CHCHD3: variants seen among roughly 807,000 people sequenced by gnomAD.
The protein encoded by CHCHD3 is MICOS complex subunit MIC19.
In CHCHD3, 20 loss-of-function variants were observed where a neutral mutation model predicts 38.2. That is an observed-to-expected ratio of 0.52 (90% CI 0.37 to 0.76). The LOEUF is 0.76. CHCHD3 is among the 30% of genes least tolerant of loss of function. The pLI is 0.00. For missense variants in CHCHD3, 245 were observed against 279.2 expected, an observed-to-expected ratio of 0.88 and a Z score of 0.87; for synonymous variants, 82 against 100.0, an observed-to-expected ratio of 0.82 and a Z score of 1.07.
At chr7:132,797,029 A>T (rs1806636325) in intron 6 of CHCHD3, among the ~76,000 whole-genome samples, 1 of 152,132 alleles carries the variant, frequency 6.6e-6, no homozygotes, top group African/African-American at 2.4e-5. Context: ...CTGGTCTCTC[A>T]GCTTTGACAC....
intron 1 of CHCHD3, among the ~76,000 whole-genome samples, chr7:133,075,356 G>C (rs1207948766): frequency 6.6e-6 from 1 of 152,116 alleles, no homozygotes; most frequent in Non-Finnish European, 1.5e-5. Flanking sequence ...CCTTTCTCTT[G>C]TTCTTACAAT....
chr7:132,799,007 C>CTGTGTGTGTGTGTGTGTG (rs58508838), intron 6 of CHCHD3, among the ~76,000 whole-genome samples: 1 of 145,490 alleles, frequency 6.9e-6, no homozygotes, highest in African/African-American at 2.6e-5. Context: ...GTGATCTGTT[C>CTGTGTGTGTGTGTGTGTG]TGTGTGTGTG....
At chr7:132,999,790 A>G (rs1437913738) in intron 3 of CHCHD3, among the ~76,000 whole-genome samples, 4 of 152,188 alleles carry the variant, frequency 2.6e-5, no homozygotes, top group Non-Finnish European at 5.9e-5. Flanking sequence ...ATATTTTGAT[A>G]GTTCACAAAG....
intron 7 of CHCHD3, among the ~76,000 whole-genome samples, chr7:132,787,068 G>C (rs968641328): frequency 2.6e-5 from 4 of 152,122 alleles, no homozygotes; most frequent in African/African-American, 9.7e-5. Context: ...ACTGGGAGGA[G>C]TGAGGGGAGA....
chr7:132,968,079 C>G (rs1160768783), intron 4 of CHCHD3, among the ~76,000 whole-genome samples: 1 of 152,174 alleles, frequency 6.6e-6, no homozygotes, highest in African/African-American at 2.4e-5. Context: ...TGCTACTCCA[C>G]AGAAAACTTG....
At chr7:132,882,837 T>C (rs1809101594) in intron 5 of CHCHD3, among the ~76,000 whole-genome samples, 2 of 152,094 alleles carry the variant, frequency 1.3e-5, no homozygotes, top group Non-Finnish European at 2.9e-5. Context: ...TCACTTTCAC[T>C]CATTTAACAT....
At chr7:133,077,417 T>C (rs1279065412) in intron 1 of CHCHD3, among the ~76,000 whole-genome samples, 4 of 152,214 alleles carry the variant, frequency 2.6e-5, no homozygotes, top group African/African-American at 9.6e-5. Flanking sequence ...TCCCAAAGCA[T>C]GAGTTACGTT....
chr7:133,072,944 A>G (rs1226926795), intron 1 of CHCHD3, among the ~76,000 whole-genome samples: 2 of 152,010 alleles, frequency 1.3e-5, no homozygotes, highest in East Asian at 3.9e-4. Flanking sequence ...CATTTCAAGT[A>G]ACTGAGTGAT....
chr7:132,877,586 G>C (rs548168904), intron 5 of CHCHD3, among the ~76,000 whole-genome samples: 66 of 152,194 alleles, frequency 4.3e-4, no homozygotes, highest in Admixed American at 7.9e-4. Context: ...ATTACTTGTT[G>C]ATGATAAAAA....
chr7:132,820,140 A>G (rs1466215967), intron 6 of CHCHD3, among the ~76,000 whole-genome samples: 1 of 152,182 alleles, frequency 6.6e-6, no homozygotes, highest in Non-Finnish European at 1.5e-5. Context: ...GTTAAAAAAA[A>G]AAGTTATTAT....
chr7:132,976,978 G>A (rs1017554018), intron 3 of CHCHD3, among the ~76,000 whole-genome samples: 3 of 152,142 alleles, frequency 2.0e-5, no homozygotes, highest in Non-Finnish European at 2.9e-5. Context: ...TCTGTATTTC[G>A]AAATTCTCTA....
At chr7:132,802,264 G>A (rs1806812821) in intron 6 of CHCHD3, among the ~76,000 whole-genome samples, 1 of 152,094 alleles carries the variant, frequency 6.6e-6, no homozygotes, top group South Asian at 2.1e-4. Flanking sequence ...AGCTGGTAGG[G>A]GTTGGTGTCT....
chr7:132,892,999 G>A (rs996599841), intron 4 of CHCHD3, among the ~76,000 whole-genome samples: 15 of 152,338 alleles, frequency 9.8e-5, no homozygotes, highest in African/African-American at 3.1e-4. Flanking sequence ...GAGCCCCCAC[G>A]CAGAGTCCCT....
At chr7:133,060,227 A>C (rs1584679372) in intron 2 of CHCHD3, among the ~76,000 whole-genome samples, 1 of 152,174 alleles carries the variant, frequency 6.6e-6, no homozygotes, top group African/African-American at 2.4e-5. Flanking sequence ...CAGCAAACAC[A>C]CACAGTTCTA....
chr7:133,066,047 T>C (rs886281308), intron 2 of CHCHD3, among the ~76,000 whole-genome samples: 8 of 151,906 alleles, frequency 5.3e-5, no homozygotes, highest in African/African-American at 4.8e-5. Context: ...TCTGCAATAA[T>C]AGAAATGCCC....
At chr7:133,046,572 G>C (rs182300085) in intron 2 of CHCHD3, among the ~76,000 whole-genome samples, 18 of 53,752 alleles carry the variant, frequency 3.3e-4, no homozygotes, top group Admixed American at 1.4e-3. Flanking sequence ...TATTTTTTTG[G>C]GGGGGGGAGA....
chr7:132,889,815 G>A (rs1256585553), intron 4 of CHCHD3, among the ~76,000 whole-genome samples: 1 of 152,214 alleles, frequency 6.6e-6, no homozygotes, highest in Non-Finnish European at 1.5e-5. Flanking sequence ...GCTAATAGCT[G>A]CTGAGGATGG....
At chr7:132,913,543 C>A (rs760397039) in intron 4 of CHCHD3, among the ~76,000 whole-genome samples, 2 of 152,206 alleles carry the variant, frequency 1.3e-5, no homozygotes, top group Non-Finnish European at 2.9e-5. Flanking sequence ...TCTGGCCACA[C>A]ACAAGAGTAC....
rs537233539 is a variant in CHCHD3, at chr7:132,890,191, C to T, written c.370-4446G>A. On this transcript the variant is annotated intron_variant, in intron 4 of 7. Coordinates refer to ENST00000262570, the MANE Select transcript of CHCHD3 (RefSeq NM_017812.4). ...GAAATCAAGTTTAAGGAACCCAACA[C>T]GAACATTTTGATGTCTTAACTTGGT... 2.6e-5 allele frequency among the ~76,000 whole-genome samples: 4 copies of T among 152,242 alleles called. No individual in the cohort carries two copies. The South Asian group carries it at 6.2e-4, about 24-fold the overall frequency.
Sources: gnomAD v4.1 joint callset for allele counts (sites outside exome capture counted in the v4.1 genomes callset) on GRCh38, gnomAD v4.1.1 for gene constraint, MANE v1.5 for transcripts, NCBI Gene and HGNC (gene_info 2026-07-23, HGNC 2026-07-21) for gene names.